Variants in LOC128092252 observed in about 807,000 individuals in gnomAD.
chr15:50,663,072 G>C, the LOC128092252 span: 8 of 1,549,230 alleles, frequency 5.2e-6, no homozygotes, highest in Non-Finnish European at 7.1e-6. Flanking sequence ...TTAAAGAATT[G>C]TTTATAAGTT....
the LOC128092252 span, among the ~76,000 whole-genome samples, chr15:50,656,805 T>G: frequency 6.6e-6 from 1 of 152,160 alleles, no homozygotes; most frequent in African/African-American, 2.4e-5. Context: ...TTTACTCAGT[T>G]GCCTAAGAAG....
chr15:50,664,039 C>T, the LOC128092252 span, among the ~76,000 whole-genome samples: 2 of 152,132 alleles, frequency 1.3e-5, no homozygotes, highest in South Asian at 2.1e-4. Context: ...GTGGCTCACA[C>T]GTATAATCCC....
the LOC128092252 span, among the ~76,000 whole-genome samples, chr15:50,682,071 G>C: frequency 1.3e-5 from 2 of 150,280 alleles, no homozygotes; most frequent in East Asian, 4.0e-4. Context: ...CCAGCTACTC[G>C]AGAGGCTGAG....
the LOC128092252 span, among the ~76,000 whole-genome samples, chr15:50,651,655 TAAAG>T: frequency 6.6e-6 from 1 of 151,598 alleles, no homozygotes; most frequent in Non-Finnish European, 1.5e-5. Context: ...AAGAAAAAAT[TAAAG>T]AAAAGAAGAC....
the LOC128092252 span, among the ~76,000 whole-genome samples, chr15:50,661,103 A>C: frequency 1.3e-5 from 2 of 151,888 alleles, no homozygotes; most frequent in African/African-American, 4.8e-5. Flanking sequence ...TAGCCTCCCA[A>C]GTAGCTGGGA....
chr15:50,669,508 G>C, the LOC128092252 span, among the ~76,000 whole-genome samples: 1 of 152,170 alleles, frequency 6.6e-6, no homozygotes, highest in South Asian at 2.1e-4. Flanking sequence ...TTATGGAACA[G>C]AGTTCCATCA....
the LOC128092252 span, among the ~76,000 whole-genome samples, chr15:50,658,075 G>A: frequency 6.7e-6 from 1 of 148,816 alleles, no homozygotes; most frequent in Non-Finnish European, 1.5e-5. Context: ...CGCAATCTCA[G>A]CTCACTGCAA....
chr15:50,662,351 A>G, the LOC128092252 span, among the ~76,000 whole-genome samples: 10 of 152,020 alleles, frequency 6.6e-5, no homozygotes, highest in Non-Finnish European at 1.2e-4. Context: ...GGTAAAAAGA[A>G]TAATTTTGGC....
chr15:50,651,626 T>C, the LOC128092252 span, among the ~76,000 whole-genome samples: 1 of 151,912 alleles, frequency 6.6e-6, no homozygotes, highest in Non-Finnish European at 1.5e-5. Context: ...TAAGACTCTG[T>C]CTCTAAACGA....
At chr15:50,673,200 C>T in the LOC128092252 span, among the ~76,000 whole-genome samples, 10 of 152,174 alleles carry the variant, frequency 6.6e-5, no homozygotes, top group Admixed American at 2.0e-4. Context: ...TCGCCCAGAA[C>T]AACTTCCAGG....
At chr15:50,667,718 AC>A in the LOC128092252 span, among the ~76,000 whole-genome samples, 1 of 152,208 alleles carries the variant, frequency 6.6e-6, no homozygotes, top group African/African-American at 2.4e-5. Flanking sequence ...CTCCAAAAAA[AC>A]ATATTTAAAT....
the LOC128092252 span, among the ~76,000 whole-genome samples, chr15:50,652,328 C>CAAAAAAA: frequency 9.3e-4 from 32 of 34,234 alleles, 2 homozygotes; most frequent in African/African-American, 1.4e-3. Context: ...GACTCCATCT[C>CAAAAAAA]AAAAAAAAAA....
the LOC128092252 span, among the ~76,000 whole-genome samples, chr15:50,679,163 C>T: frequency 2.2e-5 from 3 of 136,872 alleles, no homozygotes. Flanking sequence ...TTAACCACCG[C>T]ACCCAGTCAA....
chr15:50,685,776 C>A, the LOC128092252 span, among the ~76,000 whole-genome samples: 1 of 152,072 alleles, frequency 6.6e-6, no homozygotes, highest in Non-Finnish European at 1.5e-5. Context: ...TGCAATGCAC[C>A]GCCTCCCTCT....
the LOC128092252 span, among the ~76,000 whole-genome samples, chr15:50,659,802 G>A: frequency 6.6e-6 from 1 of 151,878 alleles, no homozygotes; most frequent in Non-Finnish European, 1.5e-5. Context: ...CAAGTAGCTG[G>A]GATTACAAGT....
the LOC128092252 span, among the ~76,000 whole-genome samples, chr15:50,679,511 A>T: frequency 0.01 from 780 of 75,332 alleles, 28 homozygotes; most frequent in African/African-American, 0.053. Context: ...GTATATATAT[A>T]ATATATATAT....
the LOC128092252 span, among the ~76,000 whole-genome samples, chr15:50,682,796 T>C: frequency 1.3e-5 from 2 of 152,200 alleles, no homozygotes; most frequent in Non-Finnish European, 2.9e-5. Context: ...CTTAAGTTCT[T>C]TTTACTGATT....
chr15:50,664,086 T>G, the LOC128092252 span, among the ~76,000 whole-genome samples: 3 of 152,004 alleles, frequency 2.0e-5, no homozygotes, highest in Non-Finnish European at 4.4e-5. Context: ...GATCACAAAG[T>G]CAGAAGACCA....
the LOC128092252 span, among the ~76,000 whole-genome samples, chr15:50,680,625 T>A: frequency 1.3e-5 from 2 of 151,944 alleles, no homozygotes; most frequent in Admixed American, 6.6e-5. Context: ...GTCCTAAGGT[T>A]AATACACAGA....
Sources: allele counts gnomAD v4.1 joint callset (sites outside exome capture counted in the v4.1 genomes callset), GRCh38; gene constraint gnomAD v4.1.1; transcripts MANE v1.5.